The following TIFAB variants were observed in gnomAD, a reference collection of about 807,000 sequenced individuals.
The protein encoded by TIFAB is TIFA inhibitor, also known as TRAF-interacting protein with FHA domain-containing protein B.
For missense variants in TIFAB, 222 were observed against 203.6 expected (o/e 1.09, Z -0.55); for synonymous variants, 116 against 95.2 (o/e 1.22, Z -1.27).
At position 135,449,966 on chromosome 5, in the gene TIFAB, TGGACA is replaced by T; in HGVS notation, c.-10-22_-10-18del. The T allele has an allele frequency of 6.6e-7, 1 of 1,514,328 alleles. No homozygotes were observed. Among genetic ancestry groups the T allele is most frequent in the South Asian group, 1.3e-5 (1 of 74,544 alleles). The allele number at this position is 1,514,328 out of a possible 1,614,324, so 93.8% of individuals were successfully genotyped here. ...GAAGAAGTCCTGGGAAGTTGGAACATGGACACACAGGCTCAGCTTCAGTCAGAGAC... is the reference window on the plus strand; with the variant it reads ...GAAGAAGTCCTGGGAAGTTGGAACATCACAGGCTCAGCTTCAGTCAGAGAC... On this transcript the variant is annotated intron_variant, in intron 1 of 1. Transcript: ENST00000537858.
rs1257776647 is a variant in TIFAB, at chr5:135,447,709, C to G, written c.*1745G>C. On this transcript the variant is annotated 3_prime_UTR_variant, in exon 2 of 2. Coordinates refer to ENST00000537858, the MANE Select transcript of TIFAB (RefSeq NM_001099221.2). ...GAGTGCTAAGCACATGGTAGGCACT[C>G]AACAGGCAAGGCCACTTAACAAGAG... The G allele has an allele frequency of 6.4e-6, 1 of 155,984 alleles. No individual in the cohort carries two copies. Among genetic ancestry groups the G allele is most frequent in the Admixed American group, 6.1e-5 (1 of 16,362 alleles). 9.7% of individuals were successfully genotyped at this position (155,984 alleles called of 1,614,324 possible). A position where few individuals can be genotyped will look rare whatever the true frequency, so the allele number is the denominator to read the frequency against.
chr5:135,451,632 C>T (rs963895621), intron 1 of TIFAB, among the ~76,000 whole-genome samples: 5 of 152,032 alleles, frequency 3.3e-5, no homozygotes, highest in African/African-American at 9.7e-5. Context: ...TACAGGTGCC[C>T]GCCACCATGC....
Position 135,447,355 on chromosome 5 carries a change from G to C in TIFAB, c.*2099C>G. On this transcript the variant is annotated 3_prime_UTR_variant, in exon 2 of 2. Coordinates refer to ENST00000537858, the MANE Select transcript of TIFAB (RefSeq NM_001099221.2). ...GGTAAGCCCTTGGGTTCTGGAGCCA[G>C]CTTACTGGGGTGTGAGTCTTCCTTA... 1 of 564,198 alleles carries C rather than the reference G, an allele frequency of 1.8e-6. No homozygotes were observed. The highest frequency in any genetic ancestry group is 3.2e-6 in the Non-Finnish European group (1 of 311,540). The allele number at this position is 564,198 out of a possible 1,614,324, so 34.9% of individuals were successfully genotyped here.
chr5:135,449,240 T>G lies in TIFAB; in HGVS notation c.*214A>C. 1.4e-6 allele frequency: 1 copy of G among 711,066 alleles called. No individual in the cohort carries two copies. Among genetic ancestry groups the G allele is most frequent in the Non-Finnish European group, 2.3e-6 (1 of 444,098 alleles). 44.0% of individuals were successfully genotyped at this position (711,066 alleles called of 1,614,324 possible). ...GGTTCATTATGAGCAAGGCAGCCAGTGGGTTTTGCTTGTCAACCTTGCATG... is the reference window on the plus strand; with the variant it reads ...GGTTCATTATGAGCAAGGCAGCCAGGGGGTTTTGCTTGTCAACCTTGCATG... On this transcript the variant is annotated 3_prime_UTR_variant, in exon 2 of 2. Coordinates refer to ENST00000537858, the MANE Select transcript of TIFAB (RefSeq NM_001099221.2).
chr5:135,451,542 G>A lies in TIFAB; in HGVS notation c.-11+667C>T, dbSNP rs894676962. On this transcript the variant is annotated intron_variant, in intron 1 of 1. Coordinates refer to ENST00000537858, the MANE Select transcript of TIFAB (RefSeq NM_001099221.2). ...ACTGTCACCCAGGCTGGAGTATAGCGGCATGATCTTGGCTCATGGTAGCCT... is the reference window on the plus strand; with the variant it reads ...ACTGTCACCCAGGCTGGAGTATAGCAGCATGATCTTGGCTCATGGTAGCCT... 3.6e-4 allele frequency among the ~76,000 whole-genome samples: 54 copies of A among 150,628 alleles called. 2 individuals carry two copies. The highest frequency in any genetic ancestry group is 1.4e-3 in the Admixed American group (21 of 15,136).
At position 135,448,090 on chromosome 5, in the gene TIFAB, G is replaced by C. The variant is rs1176543236; in HGVS notation, c.*1364C>G. Reference sequence around the variant, plus strand: ...TTGGAGAGGAAGCTTCCCACACCAGGGCAAGCCTGGGTCTTGCCCACCTCT... The same window carrying C: ...TTGGAGAGGAAGCTTCCCACACCAGCGCAAGCCTGGGTCTTGCCCACCTCT... On this transcript the variant is annotated 3_prime_UTR_variant, in exon 2 of 2. Coordinates refer to ENST00000537858, the MANE Select transcript of TIFAB (RefSeq NM_001099221.2). 6.6e-6 allele frequency: 1 copy of C among 152,140 alleles called. No individual in the cohort carries two copies. The highest frequency in any genetic ancestry group is 2.4e-5 in the African/African-American group (1 of 41,412). The allele number at this position is 152,140 out of a possible 1,614,324, so 9.4% of individuals were successfully genotyped here. A position where few individuals can be genotyped will look rare whatever the true frequency, so the allele number is the denominator to read the frequency against.
At position 135,446,076 on chromosome 5, in the gene TIFAB, T is replaced by G; in HGVS notation, c.*3378A>C. 3.5e-6 allele frequency: 1 copy of G among 283,594 alleles called. No individual in the cohort carries two copies. The highest frequency in any genetic ancestry group is 6.7e-6 in the Non-Finnish European group (1 of 149,788). The allele number at this position is 283,594 out of a possible 1,614,324, so 17.6% of individuals were successfully genotyped here. Reference sequence around the variant, plus strand: ...ACTGGACAGTGATAGCTAACCCTGTTGACCCTTATGTCTGGGTGCCTTAAA... The same window carrying G: ...ACTGGACAGTGATAGCTAACCCTGTGGACCCTTATGTCTGGGTGCCTTAAA... On this transcript the variant is annotated 3_prime_UTR_variant, in exon 2 of 2. Coordinates refer to ENST00000537858, the MANE Select transcript of TIFAB (RefSeq NM_001099221.2).
chr5:135,449,978 C>T (rs770787898), intron 1 of TIFAB, 29 bp from the exon 2 acceptor site: 32 of 1,512,962 alleles, frequency 2.1e-5, no homozygotes, highest in Non-Finnish European at 2.7e-5. Context: ...GACACACAGG[C>T]TCAGCTTCAG....
In TIFAB at chr5:135,446,984, G is replaced by T. The variant is rs746931078; in HGVS notation, c.*2470C>A. 13 of 1,613,102 alleles carry T rather than the reference G, an allele frequency of 8.1e-6. No individual in the cohort carries two copies. In the Admixed American group the frequency reaches 2.0e-4, roughly 25 times the overall value. On this transcript the variant is annotated 3_prime_UTR_variant, in exon 2 of 2. Transcript: ENST00000537858. Reference sequence around the variant, plus strand: ...CCCAAAGTTCTCTGGTGGAGCTGGGGAGTGGCACCCTGGGAACTCTGGGGT... The same window carrying T: ...CCCAAAGTTCTCTGGTGGAGCTGGGTAGTGGCACCCTGGGAACTCTGGGGT...
In TIFAB at chr5:135,446,838, T is replaced by C; in HGVS notation, c.*2616A>G. 1 of 1,613,798 alleles carries C rather than the reference T, an allele frequency of 6.2e-7. No homozygotes were observed. The highest frequency in any genetic ancestry group is 8.5e-7 in the Non-Finnish European group (1 of 1,179,838). ...GAAAGATTGGAGTTGCAGAGTCCCC[T>C]GTGGAGGAATTGAACTGCCCCCTCT... On this transcript the variant is annotated 3_prime_UTR_variant, in exon 2 of 2. Transcript: ENST00000537858.
chr5:135,449,205 T>C lies in TIFAB; in HGVS notation c.*249A>G. On this transcript the variant is annotated 3_prime_UTR_variant, in exon 2 of 2. Transcript: ENST00000537858. ...CCCCCCTGGGCTGTTTGTTCGGTGT[T>C]TGCAGAATTGGTTCATTATGAGCAA... 1 of 573,264 alleles carries C rather than the reference T, an allele frequency of 1.7e-6. No individual in the cohort carries two copies. The highest frequency in any genetic ancestry group is 3.1e-5 in the East Asian group (1 of 31,908). 35.5% of individuals were successfully genotyped at this position (573,264 alleles called of 1,614,324 possible). A position where few individuals can be genotyped will look rare whatever the true frequency, so the allele number is the denominator to read the frequency against.
chr5:135,449,575 A>T lies in TIFAB; in HGVS notation c.365T>A (p.Leu122Gln). The change falls in exon 2 of 2, where the codon CTG (leucine) becomes CAG (glutamine). Residue 122 changes from leucine to glutamine, a missense_variant. Transcript: ENST00000537858. ...MLVRVEEGTS[L>Q]EAFVCYFHVS... ...ATGGAAATAGCAGACAAAAGCCTCC[A>T]GGGATGTGCCTTCTTCTACGCGAAC... 1 of 1,614,252 alleles carries T rather than the reference A, an allele frequency of 6.2e-7. No individual in the cohort carries two copies. Among genetic ancestry groups the T allele is most frequent in the Non-Finnish European group, 8.5e-7 (1 of 1,180,050 alleles).
In TIFAB at chr5:135,449,860, G is replaced by T. The variant is rs769977158; in HGVS notation, c.80C>A (p.Pro27Gln). ...AGGGCTGGTATCATGCTGCAGCCGT[G>T]GTGGGACATTGGCAAAGGCAGATGG... is the stretch of plus-strand genomic sequence containing the variant. ...LGPSAFANVP[P>Q]RLQHDTSPLL... Residue 27 changes from proline to glutamine, a missense_variant, in exon 2 of 2, where the codon CCA becomes CAA. Transcript: ENST00000537858. 2 of 1,587,936 alleles carry T rather than the reference G, an allele frequency of 1.3e-6. No individual in the cohort carries two copies. The highest frequency in any genetic ancestry group is 1.7e-6 in the Non-Finnish European group (2 of 1,164,592).
At position 135,447,186 on chromosome 5, in the gene TIFAB, T is replaced by G; in HGVS notation, c.*2268A>C. On this transcript the variant is annotated 3_prime_UTR_variant, in exon 2 of 2. Transcript: ENST00000537858. Reference sequence around the variant, plus strand: ...CAAAATACATGTGGCTTCTTCTCCTTGCCAGCCCTACCAGGGCATCTCCCA... The same window carrying G: ...CAAAATACATGTGGCTTCTTCTCCTGGCCAGCCCTACCAGGGCATCTCCCA... The G allele has an allele frequency of 3.2e-6, 5 of 1,577,740 alleles. No homozygotes were observed. Among genetic ancestry groups the G allele is most frequent in the Non-Finnish European group, 4.3e-6 (5 of 1,152,022 alleles).
Sources: allele counts gnomAD v4.1 joint callset (sites outside exome capture counted in the v4.1 genomes callset), GRCh38; gene constraint gnomAD v4.1.1; transcripts MANE v1.5; gene names NCBI Gene and HGNC (gene_info 2026-07-23, HGNC 2026-07-21).